Variants in RAP1GAP observed in about 807,000 individuals in gnomAD.
RAP1GAP encodes the protein rap1 GTPase-activating protein 1.
A neutral mutation model predicts 87.2 loss-of-function variants in RAP1GAP; 35 were observed. That is an observed-to-expected ratio of 0.40 (90% CI 0.31 to 0.53). RAP1GAP has a LOEUF of 0.53. Among genes scored for constraint, RAP1GAP ranks in the 20% least tolerant of loss-of-function variants. The pLI is 0.48. For missense variants in RAP1GAP, 734 were observed against 898.9 expected (o/e 0.82, Z 2.35); for synonymous variants, 375 against 363.9 (o/e 1.03, Z -0.35).
At chr1:21,616,211 A>T (rs886649916) in intron 7 of RAP1GAP, among the ~76,000 whole-genome samples, 2 of 148,158 alleles carry the variant, frequency 1.3e-5, no homozygotes, top group Non-Finnish European at 3.0e-5. Flanking sequence ...TAGGAGCATG[A>T]TCTCTCCCAT....
Position 21,609,735 on chromosome 1 carries a change from C to T in RAP1GAP, c.1000-89G>A. 1 of 1,007,472 alleles carries T rather than the reference C, an allele frequency of 9.9e-7. No homozygotes were observed. Among genetic ancestry groups the T allele is most frequent in the South Asian group, 2.2e-5 (1 of 44,990 alleles). 62.4% of individuals were successfully genotyped at this position (1,007,472 alleles called of 1,614,324 possible). Reference sequence around the variant, plus strand: ...GAAACCCCTACTGTGCCTCCCTGGACTGCCCCTTGGTCGGGGAGACCCAGT... The same window carrying T: ...GAAACCCCTACTGTGCCTCCCTGGATTGCCCCTTGGTCGGGGAGACCCAGT... On this transcript the variant is annotated intron_variant, in intron 14 of 24. Transcript: ENST00000374765. This position sits in a 1 kb window ranked among gnomAD's most constrained non-coding sequence, Gnocchi z 4.4.
At chr1:21,653,584 C>CTTCCTTCT (rs2096729406) in intron 1 of RAP1GAP, among the ~76,000 whole-genome samples, 1 of 124,118 alleles carries the variant, frequency 8.1e-6, no homozygotes, top group African/African-American at 2.9e-5. Context: ...TCCTTCCTTC[C>CTTCCTTCT]TTCCTTCCTC....
At chr1:21,643,126 A>C (rs11487489) in intron 2 of RAP1GAP, among the ~76,000 whole-genome samples, 15,496 of 151,798 alleles carry the variant, frequency 0.1, 1,111 homozygotes, top group East Asian at 0.23. Context: ...TTCTCCACCA[A>C]GTCCCCAACG....
chr1:21,608,916 A>G lies in RAP1GAP; in HGVS notation c.1092T>C (p.Phe364=). 2.5e-6 allele frequency: 4 copies of G among 1,614,034 alleles called. No individual in the cohort carries two copies. Among genetic ancestry groups the G allele is most frequent in the Non-Finnish European group, 3.4e-6 (4 of 1,179,904 alleles). ...CAGCATTGATCAGCTTTGTCAGCAA[A>G]AATTCCTGGAACTCAGGCCCCTGGA... is the stretch of plus-strand genomic sequence containing the variant. ...VFRKGPEFQE[F]LLTKLINAEY... is the part of the protein sequence containing the mutation. Residue 364 remains phenylalanine, a synonymous_variant, in exon 16 of 25, where the codon TTT becomes TTC. Transcript: ENST00000374765.
rs558247423 is a variant in RAP1GAP at position 21,643,817 on chromosome 1, T to C, written c.-113+5944A>G. Reference sequence around the variant, plus strand: ...TCTGGGGTTCAGAGAGGCAGAGTAGTTGGGGTAAGGCCACACAGCAAGTAA... The same window carrying C: ...TCTGGGGTTCAGAGAGGCAGAGTAGCTGGGGTAAGGCCACACAGCAAGTAA... On this transcript the variant is annotated intron_variant, in intron 2 of 24. Transcript: ENST00000374765. Among the ~76,000 whole-genome samples, 9 of 152,224 alleles carry C rather than the reference T, an allele frequency of 5.9e-5. No homozygotes were observed. The South Asian group carries it at 6.2e-4, about 11-fold the overall frequency.
At chr1:21,644,684 G>A (rs917587381) in intron 2 of RAP1GAP, among the ~76,000 whole-genome samples, 1 of 152,180 alleles carries the variant, frequency 6.6e-6, no homozygotes, top group East Asian at 1.9e-4. Flanking sequence ...AGGATCACAA[G>A]GTCAGGAGCT....
chr1:21,666,667 A>G (rs1238598559), intron 1 of RAP1GAP, among the ~76,000 whole-genome samples: 3 of 152,122 alleles, frequency 2.0e-5, no homozygotes, highest in Non-Finnish European at 4.4e-5. Context: ...TCCCCGGGTG[A>G]TGAAGCATTA....
At position 21,634,947 on chromosome 1, in the gene RAP1GAP, A is replaced by G. The variant is rs1332373923; in HGVS notation, c.-112-8550T>C. 6.6e-6 allele frequency among the ~76,000 whole-genome samples: 1 copy of G among 152,168 alleles called. No individual in the cohort carries two copies. The highest frequency in any genetic ancestry group is 1.5e-5 in the Non-Finnish European group (1 of 68,012). On this transcript the variant is annotated intron_variant, in intron 2 of 24. Coordinates refer to ENST00000374765, the MANE Select transcript of RAP1GAP (RefSeq NM_002885.4). The surrounding 1 kb of genome is among the most constrained non-coding windows in gnomAD (Gnocchi z 4.1). ...GGGCCTCTTCCTGCCGGGCAACAAC[A>G]TCATCTGCTTCCCTAGCCTGGCACT...
chr1:21,669,217 C>G lies in RAP1GAP; in HGVS notation c.-149+37G>C. ...AGTCTGGACACCTCTGTCCCCTTCC[C>G]CTTTCCAGGGCCGCAGCCCTGGCGG... On this transcript the variant is annotated intron_variant, in intron 1 of 24. Transcript: ENST00000374765. The surrounding 1 kb of genome is among the most constrained non-coding windows in gnomAD (Gnocchi z 5.6). 8.0e-7 allele frequency: 1 copy of G among 1,252,800 alleles called. No homozygotes were observed. Among genetic ancestry groups the G allele is most frequent in the Non-Finnish European group, 1.0e-6 (1 of 973,586 alleles). 77.6% of individuals were successfully genotyped at this position (1,252,800 alleles called of 1,614,324 possible). A position where few individuals can be genotyped will look rare whatever the true frequency, so the allele number is the denominator to read the frequency against.
rs553277233 is a variant in RAP1GAP, at chr1:21,641,212, C to A, written c.-113+8549G>T. 3.3e-5 allele frequency among the ~76,000 whole-genome samples: 5 copies of A among 152,120 alleles called. No individual in the cohort carries two copies. The South Asian group carries it at 8.3e-4, about 25-fold the overall frequency. On this transcript the variant is annotated intron_variant, in intron 2 of 24. Coordinates refer to ENST00000374765, the MANE Select transcript of RAP1GAP (RefSeq NM_002885.4). ...CTAGGATTACAGGCATGAGCCACCA[C>A]ACCTGACTGGGGAGCAGTTCCTGAT...
chr1:21,598,155 C>T, intron 22 of RAP1GAP, 91 bp from the exon 23 acceptor site: 1 of 862,864 alleles, frequency 1.2e-6, no homozygotes, highest in Non-Finnish European at 1.8e-6. Context: ...CACCAGTGCG[C>T]TCCAACCCCA....
intron 2 of RAP1GAP, among the ~76,000 whole-genome samples, chr1:21,644,610 GT>G (rs1272075175): frequency 2.0e-5 from 3 of 152,132 alleles, no homozygotes; most frequent in Non-Finnish European, 4.4e-5. Context: ...TTGAAATTCA[GT>G]GGACCTGGCC....
intron 1 of RAP1GAP, among the ~76,000 whole-genome samples, chr1:21,660,515 GT>G (rs1268366596): frequency 6.6e-6 from 1 of 151,016 alleles, no homozygotes; most frequent in Non-Finnish European, 1.5e-5. Flanking sequence ...TGTATTTTTA[GT>G]AGAGATGGGG....
chr1:21,601,563 C>T (rs749155285), intron 20 of RAP1GAP, 121 bp downstream of exon 20: 35 of 619,076 alleles, frequency 5.7e-5, no homozygotes, highest in Non-Finnish European at 7.9e-5. Flanking sequence ...ATGCCCAGGT[C>T]CCCCTGACAC....
chr1:21,611,181 CT>C (rs1000911408), intron 13 of RAP1GAP, among the ~76,000 whole-genome samples: 2 of 152,248 alleles, frequency 1.3e-5, no homozygotes, highest in Admixed American at 6.5e-5. Flanking sequence ...CAGCTCAGAT[CT>C]GCTGAACTCT....
At chr1:21,643,039 T>C (rs2095667295) in intron 2 of RAP1GAP, among the ~76,000 whole-genome samples, 1 of 152,046 alleles carries the variant, frequency 6.6e-6, no homozygotes, top group Admixed American at 6.6e-5. Flanking sequence ...AGTCAGCACA[T>C]GTCATTCCCA....
At chr1:21,606,264 G>A (rs1036036015) in intron 17 of RAP1GAP, 67 bp from the exon 18 acceptor site, 6 of 1,528,788 alleles carry the variant, frequency 3.9e-6, no homozygotes, top group Non-Finnish European at 5.3e-6. Context: ...GGAAACCCAG[G>A]AGCCCAGGCA....
At chr1:21,627,044 A>G (rs1327719591) in intron 2 of RAP1GAP, 5 of 455,034 alleles carry the variant, frequency 1.1e-5, no homozygotes, top group African/African-American at 1.0e-4. Context: ...CTCTGCCCAC[A>G]CCACACCCTT....
intron 3 of RAP1GAP, among the ~76,000 whole-genome samples, chr1:21,625,647 G>A (rs1301382318): frequency 6.6e-6 from 1 of 152,178 alleles, no homozygotes; most frequent in African/African-American, 2.4e-5. Context: ...AAAGCATTAA[G>A]TACTCTCTTA....
Sources: allele counts gnomAD v4.1 joint callset (sites outside exome capture counted in the v4.1 genomes callset), GRCh38; gene constraint gnomAD v4.1.1; non-coding constraint Gnocchi (gnomAD v3.1); transcripts MANE v1.5; gene names NCBI Gene and HGNC (gene_info 2026-07-23, HGNC 2026-07-21).